CDH18: variants seen among roughly 807,000 people sequenced by gnomAD.
CDH18 encodes the protein cadherin-18.
Under a neutral mutation model 67.9 loss-of-function variants are expected in CDH18, and 31 were observed. That is an observed-to-expected ratio of 0.46 (90% confidence interval 0.34 to 0.62). CDH18 has a LOEUF of 0.62. Among genes scored for constraint, CDH18 ranks in the 20% least tolerant of loss-of-function variants. CDH18 has a pLI of 0.01. For missense variants in CDH18, 890 were observed against 975.5 expected (o/e 0.91, Z 1.17); for synonymous variants, 362 against 347.2 (o/e 1.04, Z -0.48).
intron 3 of CDH18, among the ~76,000 whole-genome samples, chr5:19,767,623 A>G (rs187319489): frequency 1.1e-4 from 16 of 152,268 alleles, no homozygotes; most frequent in Admixed American, 9.2e-4. Context: ...AGAAAGAAAC[A>G]TTAGAAAACA....
At position 20,256,933 on chromosome 5, in the gene CDH18, G is replaced by GTATCTATCTATCTATCTATC. The variant is rs11272126; in HGVS notation, c.-579-1448_-579-1429dup. Among the ~76,000 whole-genome samples, 187 of 120,846 alleles carry GTATCTATCTATCTATCTATC rather than the reference G, an allele frequency of 1.5e-3. 1 individual carries two copies. The highest frequency in any genetic ancestry group is 5.7e-3 in the African/African-American group (172 of 30,282). 79.3% of individuals were successfully genotyped at this position (120,846 alleles called of 152,430 possible). On this transcript the variant is annotated intron_variant, in intron 1 of 14. Transcript: ENST00000507958. Reference sequence around the variant, plus strand: ...AAACGAGATTTGTAGTAGCTTGGTGGTATCTATCTATCTATCTATCTATCT... The same window carrying GTATCTATCTATCTATCTATC: ...AAACGAGATTTGTAGTAGCTTGGTGGTATCTATCTATCTATCTATCTATCTATCTATCTATCTATCTATCT...
At chr5:20,521,808 T>TAC (rs111371227) in intron 1 of CDH18, among the ~76,000 whole-genome samples, 12,350 of 149,940 alleles carry the variant, frequency 0.082, 1,562 homozygotes, top group African/African-American at 0.27. Context: ...CACACACACA[T>TAC]ACACACACAC....
At chr5:19,716,849 G>A (rs189843461) in intron 5 of CDH18, among the ~76,000 whole-genome samples, 16 of 151,876 alleles carry the variant, frequency 1.1e-4, no homozygotes, top group African/African-American at 3.1e-4. Context: ...GTTTTCAGCC[G>A]CTATATTTTA....
chr5:20,563,661 C>T (rs1227058365), intron 1 of CDH18, among the ~76,000 whole-genome samples: 1 of 152,078 alleles, frequency 6.6e-6, no homozygotes, highest in East Asian at 1.9e-4. Flanking sequence ...TCTTTTGCTG[C>T]TGCAGTTCAG....
chr5:20,188,799 C>T (rs1738301292), intron 2 of CDH18, among the ~76,000 whole-genome samples: 1 of 133,986 alleles, frequency 7.5e-6, no homozygotes, highest in African/African-American at 2.8e-5. Context: ...TCTTTATTTG[C>T]TATTCTTATT....
At chr5:19,515,683 T>A (rs919735195) in intron 10 of CDH18, among the ~76,000 whole-genome samples, 1 of 152,310 alleles carries the variant, frequency 6.6e-6, no homozygotes, top group South Asian at 2.1e-4. Flanking sequence ...ATGCTTGTCA[T>A]TTTTGCACAT....
At position 20,470,651 on chromosome 5, in the gene CDH18, A is replaced by G. The variant is rs142631404; in HGVS notation, c.-580+104811T>C. Among the ~76,000 whole-genome samples, 305 of 152,276 alleles carry G rather than the reference A, an allele frequency of 2.0e-3. 2 individuals carry two copies. Among genetic ancestry groups the G allele is most frequent in the African/African-American group, 6.8e-3 (282 of 41,552 alleles). On this transcript the variant is annotated intron_variant, in intron 1 of 14. Transcript: ENST00000507958. ...TAAAGGTGAACTCCTTCCCCTGTGC[A>G]GTTATCAAAGCCCACTCATCAGGGC...
intron 10 of CDH18, among the ~76,000 whole-genome samples, chr5:19,515,557 G>A (rs1412479692): frequency 1.3e-5 from 2 of 152,066 alleles, no homozygotes; most frequent in Non-Finnish European, 2.9e-5. Flanking sequence ...CCTTGAAGAG[G>A]TCCTTCACAT....
At chr5:19,844,228 C>T (rs1782669368) in intron 2 of CDH18, among the ~76,000 whole-genome samples, 1 of 152,112 alleles carries the variant, frequency 6.6e-6, no homozygotes, top group Admixed American at 6.6e-5. Context: ...GGCTCTGTGT[C>T]CTCACCCAAA....
chr5:19,688,809 C>T (rs1486365713), intron 5 of CDH18, among the ~76,000 whole-genome samples: 1 of 151,732 alleles, frequency 6.6e-6, no homozygotes, highest in Admixed American at 6.6e-5. Context: ...TATTCATGTC[C>T]TACGTGAGAA....
At chr5:19,955,990 C>A (rs1439721920) in intron 2 of CDH18, among the ~76,000 whole-genome samples, 1 of 151,890 alleles carries the variant, frequency 6.6e-6, no homozygotes, top group African/African-American at 2.4e-5. Flanking sequence ...TAGTTTCCCC[C>A]AAAGTATCAA....
At chr5:20,047,273 T>C (rs1239835393) in intron 2 of CDH18, among the ~76,000 whole-genome samples, 1 of 151,798 alleles carries the variant, frequency 6.6e-6, no homozygotes, top group Non-Finnish European at 1.5e-5. Context: ...GTGGTAAAAA[T>C]TATATGGTGA....
At chr5:20,234,400 A>C (rs1384582580) in intron 2 of CDH18, among the ~76,000 whole-genome samples, 2 of 152,050 alleles carry the variant, frequency 1.3e-5, no homozygotes, top group Non-Finnish European at 2.9e-5. Flanking sequence ...TAAACGATGC[A>C]TTTTTTATAA....
chr5:20,413,952 C>A (rs569298723), intron 1 of CDH18, among the ~76,000 whole-genome samples: 120 of 152,210 alleles, frequency 7.9e-4, no homozygotes, highest in African/African-American at 2.8e-3. Context: ...TTAGGTCTAA[C>A]ATTTAAGTGT....
chr5:20,573,428 G>A (rs968164295), intron 1 of CDH18, among the ~76,000 whole-genome samples: 2 of 150,822 alleles, frequency 1.3e-5, no homozygotes, highest in Non-Finnish European at 3.0e-5. Context: ...AAAACAACTT[G>A]GATACTTAAG....
chr5:20,490,191 G>C (rs918947136), intron 1 of CDH18, among the ~76,000 whole-genome samples: 1 of 151,874 alleles, frequency 6.6e-6, no homozygotes, highest in Admixed American at 6.6e-5. Context: ...CCATGCATTC[G>C]GGCCCTGGGG....
chr5:19,762,723 C>A (rs1249219159), intron 3 of CDH18, among the ~76,000 whole-genome samples: 2 of 152,106 alleles, frequency 1.3e-5, no homozygotes, highest in Non-Finnish European at 2.9e-5. Context: ...AGAAATACCA[C>A]ATGACCCAGT....
chr5:20,098,969 A>G (rs1256390406), intron 2 of CDH18, among the ~76,000 whole-genome samples: 1 of 152,196 alleles, frequency 6.6e-6, no homozygotes, highest in Non-Finnish European at 1.5e-5. Flanking sequence ...GACAGTATCC[A>G]AGTTTGCAAT....
At chr5:19,858,977 T>A (rs1214684467) in intron 2 of CDH18, among the ~76,000 whole-genome samples, 1 of 152,078 alleles carries the variant, frequency 6.6e-6, no homozygotes, top group African/African-American at 2.4e-5. Context: ...AAAAAAAAAC[T>A]ATTTTATTGA....
Sources: allele counts gnomAD v4.1 joint callset (sites outside exome capture counted in the v4.1 genomes callset), GRCh38; gene constraint gnomAD v4.1.1; transcripts MANE v1.5; gene names NCBI Gene and HGNC (gene_info 2026-07-23, HGNC 2026-07-21).